RABGAP1L: variants seen among roughly 807,000 people sequenced by gnomAD.
The protein encoded by RABGAP1L is rab GTPase-activating protein 1-like.
RABGAP1L carries 63 observed loss-of-function variants against 137.7 expected under a neutral mutation model. The observed-to-expected ratio is 0.46, with a 90% CI of 0.37 to 0.56. RABGAP1L has a LOEUF of 0.56. Among genes scored for constraint, RABGAP1L ranks in the 20% least tolerant of loss-of-function variants. The pLI is 0.00. For synonymous variants in RABGAP1L, 431 were observed against 433.7 expected (o/e 0.99, Z 0.08); for missense variants, 1,095 against 1,244.0 (o/e 0.88, Z 1.80).
At chr1:174,212,689 T>G (rs1409008726) in intron 1 of RABGAP1L, among the ~76,000 whole-genome samples, 1 of 151,498 alleles carries the variant, frequency 6.6e-6, no homozygotes, top group African/African-American at 2.4e-5. Context: ...ATAATAAAGA[T>G]CAGGGCAGAA....
intron 9 of RABGAP1L, among the ~76,000 whole-genome samples, chr1:174,278,161 G>A (rs1434668042): frequency 6.6e-6 from 1 of 152,168 alleles, no homozygotes. Flanking sequence ...CCAGCACTTT[G>A]GGAGGCTGAT....
chr1:174,528,415 C>A (rs1411066864), intron 13 of RABGAP1L, among the ~76,000 whole-genome samples: 1 of 151,660 alleles, frequency 6.6e-6, no homozygotes, highest in Non-Finnish European at 1.5e-5. Flanking sequence ...ATTCCCTCAG[C>A]TTTTCTTTGT....
chr1:174,447,034 A>G (rs1342288557), intron 13 of RABGAP1L, among the ~76,000 whole-genome samples: 1 of 152,240 alleles, frequency 6.6e-6, no homozygotes, highest in Non-Finnish European at 1.5e-5. Context: ...ACTGTGAGCT[A>G]CATATTTTAT....
At chr1:174,538,616 A>T (rs1446656813) in intron 13 of RABGAP1L, among the ~76,000 whole-genome samples, 1 of 152,108 alleles carries the variant, frequency 6.6e-6, no homozygotes, top group Non-Finnish European at 1.5e-5. Context: ...TTTTTAACCC[A>T]CAAGGTGGTT....
rs188099887 is a variant in RABGAP1L, at chr1:174,316,358, G to A, written c.1465+11231G>A. 6.8e-4 allele frequency among the ~76,000 whole-genome samples: 104 copies of A among 152,182 alleles called. 1 individual carries two copies. Among genetic ancestry groups the A allele is most frequent in the African/African-American group, 2.3e-3 (95 of 41,522 alleles). On this transcript the variant is annotated intron_variant, in intron 11 of 25. Transcript: ENST00000681986. ...GTATTTACTGTAGTTTTCACTGTCT[G>A]GGCTTATTAGTACCTGTCCTTTTTG... is the stretch of plus-strand genomic sequence containing the variant.
At chr1:174,946,920 AT>A (rs1558267390) in intron 19 of RABGAP1L, among the ~76,000 whole-genome samples, 573 of 23,410 alleles carry the variant, frequency 0.024, 45 homozygotes, top group Non-Finnish European at 0.039. Flanking sequence ...AAAAAAAAAT[AT>A]ATATATATAT....
intron 10 of RABGAP1L, among the ~76,000 whole-genome samples, chr1:174,301,306 G>A (rs1677681886): frequency 6.6e-6 from 1 of 151,096 alleles, no homozygotes; most frequent in Non-Finnish European, 1.5e-5. Flanking sequence ...AGCCCCTGAG[G>A]GGGTGTTACA....
chr1:174,583,662 C>T (rs920679772), intron 13 of RABGAP1L, among the ~76,000 whole-genome samples: 2 of 152,050 alleles, frequency 1.3e-5, no homozygotes, highest in Non-Finnish European at 2.9e-5. Flanking sequence ...ATTTGTTCAC[C>T]GTGAATTCAT....
chr1:174,172,911 C>T (rs867834262), intron 1 of RABGAP1L, among the ~76,000 whole-genome samples: 1 of 152,048 alleles, frequency 6.6e-6, no homozygotes, highest in Middle Eastern at 3.2e-3. Flanking sequence ...GTAGTATCCA[C>T]CAATATCATT....
intron 15 of RABGAP1L, among the ~76,000 whole-genome samples, chr1:174,696,855 G>A (rs1481341144): frequency 6.6e-6 from 1 of 152,104 alleles, no homozygotes; most frequent in Non-Finnish European, 1.5e-5. Flanking sequence ...CTGATTTTTT[G>A]TTTTTATGAA....
chr1:174,506,233 C>T (rs1037992415), intron 13 of RABGAP1L, among the ~76,000 whole-genome samples: 1 of 152,110 alleles, frequency 6.6e-6, no homozygotes, highest in Non-Finnish European at 1.5e-5. Flanking sequence ...GGTAATTATA[C>T]TTAATGATAA....
At chr1:174,400,862 G>A (rs571228840) in intron 13 of RABGAP1L, among the ~76,000 whole-genome samples, 2 of 152,048 alleles carry the variant, frequency 1.3e-5, no homozygotes, top group South Asian at 2.1e-4. Context: ...GAATAGGGCC[G>A]GGATTACAAT....
chr1:174,602,733 G>A (rs1173421930), intron 13 of RABGAP1L, among the ~76,000 whole-genome samples: 1 of 152,108 alleles, frequency 6.6e-6, no homozygotes, highest in Non-Finnish European at 1.5e-5. Context: ...TTGAGAGACT[G>A]ATACATTCTT....
chr1:174,357,666 G>A (rs1186702138), intron 11 of RABGAP1L, among the ~76,000 whole-genome samples: 1 of 152,178 alleles, frequency 6.6e-6, no homozygotes, highest in East Asian at 1.9e-4. Flanking sequence ...TCCAGGAAAT[G>A]GAGGTTGATA....
At chr1:174,375,872 C>G (rs939618125) in intron 12 of RABGAP1L, among the ~76,000 whole-genome samples, 5 of 152,024 alleles carry the variant, frequency 3.3e-5, no homozygotes, top group Non-Finnish European at 7.4e-5. Flanking sequence ...TGAGACCAGC[C>G]TAGCCAACAT....
At chr1:174,694,003 G>A (rs1242040241) in intron 15 of RABGAP1L, among the ~76,000 whole-genome samples, 1 of 152,116 alleles carries the variant, frequency 6.6e-6, no homozygotes, top group African/African-American at 2.4e-5. Context: ...ATTAATAACA[G>A]TGTAACAAGT....
chr1:174,543,825 A>G (rs6701619), intron 13 of RABGAP1L, among the ~76,000 whole-genome samples: 53,588 of 151,984 alleles, frequency 0.35, 12,097 homozygotes, highest in African/African-American at 0.64. Flanking sequence ...GCTTGTCTGT[A>G]AAGGATTTTA....
intron 1 of RABGAP1L, among the ~76,000 whole-genome samples, chr1:174,187,396 G>A (rs2148321945): frequency 6.6e-6 from 1 of 152,204 alleles, no homozygotes; most frequent in Non-Finnish European, 1.5e-5. Context: ...TTTGGTTAGA[G>A]CAGTGTCTGC....
At chr1:174,927,676 C>T (rs773024814) in intron 19 of RABGAP1L, among the ~76,000 whole-genome samples, 1 of 152,154 alleles carries the variant, frequency 6.6e-6, no homozygotes, top group African/African-American at 2.4e-5. Flanking sequence ...CTTGGCATCC[C>T]GAGTAGCTAG....
Sources: gnomAD v4.1 joint callset for allele counts (sites outside exome capture counted in the v4.1 genomes callset) on GRCh38, gnomAD v4.1.1 for gene constraint, MANE v1.5 for transcripts, NCBI Gene and HGNC (gene_info 2026-07-23, HGNC 2026-07-21) for gene names.